Variants in PIWIL1 observed in about 807,000 individuals in gnomAD.
PIWIL1 encodes piwi-like protein 1.
In PIWIL1, 73 loss-of-function variants were observed where a neutral mutation model predicts 114.4. The ratio of observed to expected loss-of-function variants is 0.64; its 90% confidence interval spans 0.53 to 0.78. The LOEUF is 0.78. Among genes scored for constraint, PIWIL1 ranks in the 30% least tolerant of loss-of-function variants. The pLI, the probability that PIWIL1 is intolerant of heterozygous loss-of-function variation, is 0.00. For synonymous variants in PIWIL1, 375 were observed against 369.0 expected (o/e 1.02, Z -0.19); for missense variants, 723 against 1,063.1 (o/e 0.68, Z 4.45).
the PIWIL1 span, among the ~76,000 whole-genome samples, chr12:130,395,729 A>G: frequency 6.6e-6 from 1 of 152,226 alleles, no homozygotes; most frequent in South Asian, 2.1e-4. Flanking sequence ...TTGAAAAGAC[A>G]TCATCTGGTT....
the PIWIL1 span, among the ~76,000 whole-genome samples, chr12:130,385,184 T>C: frequency 6.6e-6 from 1 of 152,258 alleles, no homozygotes; most frequent in Non-Finnish European, 1.5e-5. Flanking sequence ...AATGTTAATA[T>C]ATTTCTGCCC....
chr12:130,354,573 G>A lies in PIWIL1; in HGVS notation c.1081G>A (p.Val361Ile), dbSNP rs750281432. ...AGAGATCACCGACTTGAAGCAGCCT[G>A]TCTTGGTCAGCCAGCCCAAGAGAAG... ...NQEITDLKQP[V>I]LVSQPKRRRG... The change falls in exon 10 of 21, where the codon GTC (valine) becomes ATC (isoleucine). Residue 361 changes from valine (V) to isoleucine (I), a missense_variant. Physicochemically the swap from Val to Ile is conservative, Grantham distance 29. Around this residue, in one of 8 missense-constraint regions of PIWIL1, gnomAD observed 298 missense variants for 420.8 expected, o/e 0.71. Coordinates refer to ENST00000245255, the MANE Select transcript of PIWIL1 (RefSeq NM_004764.5). The A allele has an allele frequency of 3.7e-6, 6 of 1,613,994 alleles. No individual in the cohort carries two copies. Among genetic ancestry groups the A allele is most frequent in the Non-Finnish European group, 5.1e-6 (6 of 1,180,018 alleles).
At chr12:130,340,069 G>A (rs1041614007) in intron 1 of PIWIL1, among the ~76,000 whole-genome samples, 2 of 152,190 alleles carry the variant, frequency 1.3e-5, no homozygotes, top group Admixed American at 1.3e-4. Flanking sequence ...GGAGAAAACA[G>A]GTTACCATGT....
downstream of PIWIL1, among the ~76,000 whole-genome samples, chr12:130,377,319 A>C (rs1201864230): frequency 6.6e-6 from 1 of 152,188 alleles, no homozygotes; most frequent in East Asian, 1.9e-4. Context: ...TTTCCTGGGC[A>C]TGTTAAAGTT....
At chr12:130,366,241 G>A (rs58959127) in intron 18 of PIWIL1, among the ~76,000 whole-genome samples, 2,873 of 152,196 alleles carry the variant, frequency 0.019, 97 homozygotes, top group African/African-American at 0.066. Flanking sequence ...GATTAACTAC[G>A]TGGATTGTGT....
the PIWIL1 span, among the ~76,000 whole-genome samples, chr12:130,415,090 C>T: frequency 6.6e-6 from 1 of 152,104 alleles, no homozygotes; most frequent in Non-Finnish European, 1.5e-5. Context: ...ATCTGACAGA[C>T]ACAACAAAAA....
the PIWIL1 span, chr12:130,424,754 T>C: frequency 3.2e-6 from 4 of 1,232,294 alleles, no homozygotes; most frequent in East Asian, 1.3e-4. The surrounding 1 kb of genome is among the most constrained non-coding windows in gnomAD (Gnocchi z 9.8). Flanking sequence ...CTCCGTCCTC[T>C]TCCGCTACTT....
chr12:130,358,821 G>A (rs189124399), intron 14 of PIWIL1, among the ~76,000 whole-genome samples: 8 of 152,204 alleles, frequency 5.3e-5, no homozygotes, highest in African/African-American at 9.6e-5. Context: ...CATCTGCCTC[G>A]TTCCTGTCGC....
At chr12:130,419,508 C>T in the PIWIL1 span, 1 of 152,246 alleles carries the variant, frequency 6.6e-6, no homozygotes, top group African/African-American at 2.4e-5. The surrounding 1 kb of genome is among the most constrained non-coding windows in gnomAD (Gnocchi z 4.3). Context: ...TAAAGGGAAT[C>T]ATCTATTAAA....
At chr12:130,388,416 C>CT in the PIWIL1 span, among the ~76,000 whole-genome samples, 1 of 152,188 alleles carries the variant, frequency 6.6e-6, no homozygotes, top group Non-Finnish European at 1.5e-5. Flanking sequence ...CTATACTTAC[C>CT]TACATCCTGA....
the PIWIL1 span, among the ~76,000 whole-genome samples, chr12:130,406,581 A>G: frequency 1.3e-5 from 2 of 152,252 alleles, no homozygotes; most frequent in Non-Finnish European, 2.9e-5. Flanking sequence ...TGTTCTCTGC[A>G]GTATAAGGAC....
chr12:130,375,792 TCCTCCCCATCCTCTCTTGAATC>T (rs1343339194), downstream of PIWIL1, among the ~76,000 whole-genome samples: 1 of 152,090 alleles, frequency 6.6e-6, no homozygotes, highest in Admixed American at 6.5e-5. Flanking sequence ...TGGACTTCTT[TCCTCCCCATCCTCTCTTGAATC>T]CAGTGCCAGC....
the PIWIL1 span, among the ~76,000 whole-genome samples, chr12:130,413,703 TA>T: frequency 3.9e-3 from 579 of 150,376 alleles, 10 homozygotes; most frequent in Admixed American, 0.035. Context: ...TCAGGTGTAT[TA>T]AAGAACTAAG....
intron 18 of PIWIL1, chr12:130,366,362 C>G (rs1194874948): frequency 6.6e-6 from 1 of 152,514 alleles, no homozygotes; most frequent in Non-Finnish European, 1.5e-5. Flanking sequence ...CAGGGCTGCT[C>G]TCCGCAGGGT....
chr12:130,405,178 AAAC>A, the PIWIL1 span, among the ~76,000 whole-genome samples: 1 of 152,186 alleles, frequency 6.6e-6, no homozygotes, highest in African/African-American at 2.4e-5. Flanking sequence ...CATCCTTAAT[AAAC>A]AACAAAAATG....
At chr12:130,382,923 G>A in the PIWIL1 span, among the ~76,000 whole-genome samples, 1 of 152,220 alleles carries the variant, frequency 6.6e-6, no homozygotes, top group Non-Finnish European at 1.5e-5. Context: ...GAAATAGTAA[G>A]AAAGTTTACA....
At chr12:130,423,656 CAAAA>C in the PIWIL1 span, among the ~76,000 whole-genome samples, 416 of 50,166 alleles carry the variant, frequency 8.3e-3, 6 homozygotes, top group African/African-American at 0.029. Flanking sequence ...AAACAATATG[CAAAA>C]AAAAAAAAAA....
At chr12:130,354,009 C>T (rs560998508) in intron 9 of PIWIL1, among the ~76,000 whole-genome samples, 5 of 151,940 alleles carry the variant, frequency 3.3e-5, no homozygotes, top group African/African-American at 1.2e-4. Context: ...ATCTGGGGAA[C>T]CTTAACACTT....
the PIWIL1 span, chr12:130,425,085 G>C: frequency 2.6e-6 from 1 of 385,098 alleles, no homozygotes; most frequent in Non-Finnish European, 4.6e-6. Flanking sequence ...AGCACACGCA[G>C]AGCCAGCGGG....
Sources: gnomAD v4.1 joint callset for allele counts (sites outside exome capture counted in the v4.1 genomes callset) on GRCh38, gnomAD v4.1.1 for gene constraint, gnomAD v4.1.1 regional missense constraint, Gnocchi (gnomAD v3.1) non-coding constraint, MANE v1.5 for transcripts, NCBI Gene and HGNC (gene_info 2026-07-23, HGNC 2026-07-21) for gene names.